Variants in KIAA0586 observed in about 807,000 individuals in gnomAD.
KIAA0586 encodes the protein KIAA0586, also known as protein TALPID3.
In KIAA0586, 144 loss-of-function variants were observed where a neutral mutation model predicts 169.8. The ratio of observed to expected loss-of-function variants is 0.85; its 90% CI spans 0.74 to 0.97. The LOEUF (loss-of-function observed/expected upper bound fraction) is 0.97. Among genes scored for constraint, KIAA0586 ranks in the 50% least tolerant of loss-of-function variants. The probability of loss-of-function intolerance (pLI) is 0.00; values close to 1 mark genes in which losing one functional copy is unlikely to be tolerated. For missense variants in KIAA0586, 1,854 were observed against 1,823.0 expected (o/e 1.02, Z -0.31); for synonymous variants, 625 against 612.4 (o/e 1.02, Z -0.30).
rs2140940326 is a variant in KIAA0586 at position 58,465,960 on chromosome 14, C to T, written c.2185C>T (p.Pro729Ser). Reference protein sequence around the residue: ...PHGDQQYLFSPSREMPTFSGT... With the variant: ...PHGDQQYLFSSSREMPTFSGT... The stretch of plus-strand genomic sequence containing the variant: ...TGGCGATCAGCAATATTTGTTCAGC[C>T]CAAGTAGAGAAATGCCTACTTTTTC... Residue 729 changes from proline to serine, a missense_variant, in exon 15 of 31, where the codon CCA (proline) becomes TCA (serine). Pro to Ser is a moderately conservative substitution (Grantham distance 74). Coordinates refer to ENST00000652326, the MANE Select transcript of KIAA0586 (RefSeq NM_001329943.3). 2 of 1,613,236 alleles carry T rather than the reference C, an allele frequency of 1.2e-6. No individual in the cohort carries two copies. The highest frequency in any genetic ancestry group is 1.7e-6 in the Non-Finnish European group (2 of 1,179,384).
rs938876610 is a variant in KIAA0586, at chr14:58,494,331, T to TG, written c.3990+2056_3990+2057insG. 1.7e-4 allele frequency among the ~76,000 whole-genome samples: 26 copies of TG among 151,260 alleles called. No individual in the cohort carries two copies. In the East Asian group the frequency reaches 2.5e-3, roughly 15 times the overall value. On this transcript the variant is annotated intron_variant, in intron 26 of 30. Transcript: ENST00000652326. ...ACTTGACATTCTTGTTTTTTGTTGT[T>TG]TTTTTTTTTGCTTTGCATTTTAATA...
chr14:58,468,443 A>G (rs923634011), intron 16 of KIAA0586, among the ~76,000 whole-genome samples: 2 of 152,194 alleles, frequency 1.3e-5, no homozygotes, highest in Non-Finnish European at 2.9e-5. Flanking sequence ...TGACTTATAT[A>G]CAAGTGGCTT....
At chr14:58,556,580 C>T in the KIAA0586 span, among the ~76,000 whole-genome samples, 1 of 152,210 alleles carries the variant, frequency 6.6e-6, no homozygotes, top group Non-Finnish European at 1.5e-5. Context: ...ACACACCCCT[C>T]TTCCCCCAGA....
rs758886732 is a variant in KIAA0586 at position 58,442,851 on chromosome 14, G to C, written c.556G>C (p.Ala186Pro). The change falls in exon 5 of 31, where the codon GCC becomes CCC. Residue 186 changes from alanine (A) to proline (P), a missense_variant. Transcript: ENST00000652326. The stretch of plus-strand genomic sequence containing the variant: ...AACCGTGGCTGCAGCAACTGCTGCT[G>C]CCATTGCAACCGCAGCTCCGTTGAT... ...ATTVAAATAA[A>P]IATAAPLIKV... 5 of 1,609,694 alleles carry C rather than the reference G, an allele frequency of 3.1e-6. No individual in the cohort carries two copies. The Admixed American group carries it at 6.8e-5, about 22-fold the overall frequency.
chr14:58,484,896 A>ATATATTTATATATATTTT (rs1555391491), intron 21 of KIAA0586, among the ~76,000 whole-genome samples: 10 of 5,082 alleles, frequency 2.0e-3, no homozygotes, highest in Admixed American at 4.5e-3. Flanking sequence ...ATATTTATAT[A>ATATATTTATATATATTTT]TATATATATA....
chr14:58,445,437 C>CTT (rs560212866), intron 6 of KIAA0586, among the ~76,000 whole-genome samples: 3 of 142,052 alleles, frequency 2.1e-5, no homozygotes, highest in Non-Finnish European at 4.6e-5. Flanking sequence ...CTTTCTTTTT[C>CTT]TTTTTTTTTT....
chr14:58,507,293 A>C (rs2044048943), intron 27 of KIAA0586, among the ~76,000 whole-genome samples: 1 of 145,480 alleles, frequency 6.9e-6, no homozygotes. Context: ...TATATATATC[A>C]TGTGTATGAT....
At chr14:58,521,135 G>A (rs1300738390) in intron 29 of KIAA0586, 3 of 522,314 alleles carry the variant, frequency 5.7e-6, no homozygotes, top group Admixed American at 3.0e-5. Context: ...TCTCAGAATC[G>A]AATCTCTTCT....
At chr14:58,479,844 G>T (rs1384920088) in intron 20 of KIAA0586, among the ~76,000 whole-genome samples, 2 of 152,092 alleles carry the variant, frequency 1.3e-5, no homozygotes, top group South Asian at 4.2e-4. Flanking sequence ...GGTTATATAT[G>T]TGTGCATCTT....
rs754058109 is a variant in KIAA0586 at position 58,428,327 on chromosome 14, T to A, written c.63T>A (p.Leu21=). The stretch of plus-strand genomic sequence containing the variant: ...AGATTAAGATGCCAGTGAAGAGACT[T>A]CGTGAGGTAGTTTCTCAAAATCATG... ...KKKIKMPVKR[L]REVVSQNHGD... is the part of the protein sequence containing the mutation. The change falls in exon 1 of 31, where the codon CTT becomes CTA. Residue 21 remains leucine, a synonymous_variant. Coordinates refer to ENST00000652326, the MANE Select transcript of KIAA0586 (RefSeq NM_001329943.3). The A allele has an allele frequency of 1.9e-5, 30 of 1,613,796 alleles. No homozygotes were observed. The African/African-American group carries it at 3.5e-4, about 19-fold the overall frequency.
chr14:58,427,656 A>C, upstream of KIAA0586: 1 of 1,535,602 alleles, frequency 6.5e-7, no homozygotes, highest in Non-Finnish European at 8.7e-7. Context: ...CTTGGCGCGC[A>C]TGCGTGTTGT....
At chr14:58,508,820 C>T in intron 28 of KIAA0586, 111 bp downstream of exon 28, 2 of 751,452 alleles carry the variant, frequency 2.7e-6, no homozygotes, top group Non-Finnish European at 4.3e-6. Context: ...AGCTTCAAAT[C>T]ATGCCTCCTT....
At chr14:58,546,849 T>G (rs2047014712) in intron 30 of KIAA0586, among the ~76,000 whole-genome samples, 1 of 152,220 alleles carries the variant, frequency 6.6e-6, no homozygotes, top group South Asian at 2.1e-4. Context: ...CATATTTCAT[T>G]AAATGTAGAG....
At chr14:58,472,446 C>A (rs1158706254) in intron 18 of KIAA0586, among the ~76,000 whole-genome samples, 167 bp downstream of exon 18, 2 of 151,972 alleles carry the variant, frequency 1.3e-5, no homozygotes, top group Non-Finnish European at 2.9e-5. Context: ...TCTAGAATGT[C>A]TTTAATCTAT....
chr14:58,537,268 C>A, intron 29 of KIAA0586: 1 of 757,470 alleles, frequency 1.3e-6, no homozygotes. Context: ...CTGCAGAAGT[C>A]AAGATCCTCC....
At chr14:58,513,279 T>C (rs2044521629) in intron 29 of KIAA0586, among the ~76,000 whole-genome samples, 1 of 152,092 alleles carries the variant, frequency 6.6e-6, no homozygotes, top group East Asian at 1.9e-4. Flanking sequence ...GTTTAAAAAC[T>C]TTCTGCCCAC....
chr14:58,472,239 T>G lies in KIAA0586; in HGVS notation c.2594T>G (p.Phe865Cys), dbSNP rs567764878. The G allele has an allele frequency of 1.3e-6, 2 of 1,586,788 alleles. No individual in the cohort carries two copies. The highest frequency in any genetic ancestry group is 1.7e-6 in the Non-Finnish European group (2 of 1,167,292). Residue 865 changes from phenylalanine (F) to cysteine (C), a missense_variant, in exon 18 of 31, where the codon TTT (phenylalanine) becomes TGT (cysteine). Coordinates refer to ENST00000652326, the MANE Select transcript of KIAA0586 (RefSeq NM_001329943.3). ...AAGGTAGATGAAGAAGAGGTGAAGT[T>G]TCCAGGAACTAACTTTGATGAAATA... is the stretch of plus-strand genomic sequence containing the variant. Reference protein sequence around the residue: ...IMKVDEEEVKFPGTNFDEIID... With the variant: ...IMKVDEEEVKCPGTNFDEIID...
At chr14:58,471,095 C>T (rs1452497231) in intron 17 of KIAA0586, among the ~76,000 whole-genome samples, 1 of 152,138 alleles carries the variant, frequency 6.6e-6, no homozygotes, top group African/African-American at 2.4e-5. Context: ...CAAGTGATCC[C>T]TCTACCTCGG....
At chr14:58,485,537 C>G (rs142940918) in intron 21 of KIAA0586, among the ~76,000 whole-genome samples, 2 of 152,238 alleles carry the variant, frequency 1.3e-5, no homozygotes, top group Non-Finnish European at 2.9e-5. Context: ...CTTCTGGGAA[C>G]TTATTCCATA....
Sources: gnomAD v4.1 joint callset for allele counts (sites outside exome capture counted in the v4.1 genomes callset) on GRCh38, gnomAD v4.1.1 for gene constraint, MANE v1.5 for transcripts, NCBI Gene and HGNC (gene_info 2026-07-23, HGNC 2026-07-21) for gene names.